MATN2: variants seen among roughly 807,000 people sequenced by gnomAD.
MATN2 encodes the protein matrilin 2, also known as matrilin-2.
Under a neutral mutation model 103.2 loss-of-function variants are expected in MATN2, and 69 were observed. The observed-to-expected ratio is 0.67, with a 90% CI of 0.55 to 0.82. MATN2 has a LOEUF of 0.82. Ranked by LOEUF, MATN2 falls within the 40% of genes least tolerant of loss-of-function variation. MATN2 has a pLI of 0.00. For missense variants in MATN2, 1,023 were observed against 1,211.5 expected (o/e 0.84, Z 2.31); for synonymous variants, 429 against 450.2 (o/e 0.95, Z 0.60).
intron 18 of MATN2, among the ~76,000 whole-genome samples, chr8:98,034,512 A>G (rs1814163390): frequency 6.6e-6 from 1 of 152,176 alleles, no homozygotes; most frequent in Non-Finnish European, 1.5e-5. Context: ...TCCCTTAAGT[A>G]AAATGAAATA....
chr8:98,016,453 G>C, intron 10 of MATN2, 87 bp from the exon 11 acceptor site: 1 of 1,192,390 alleles, frequency 8.4e-7, no homozygotes, highest in Non-Finnish European at 1.2e-6. Context: ...AATTCAAAGT[G>C]TCTGAAATGT....
chr8:97,877,185 T>A (rs548417018), intron 1 of MATN2, among the ~76,000 whole-genome samples: 32 of 151,472 alleles, frequency 2.1e-4, no homozygotes, highest in African/African-American at 6.8e-4. Flanking sequence ...TTAAAAAAAA[T>A]TTTTTGGGGG....
chr8:98,014,749 A>T (rs748226194), intron 10 of MATN2, among the ~76,000 whole-genome samples: 6 of 152,208 alleles, frequency 3.9e-5, no homozygotes, highest in Non-Finnish European at 7.3e-5. Context: ...AGTGAGAATA[A>T]CAACAGCTGC....
intron 2 of MATN2, among the ~76,000 whole-genome samples, chr8:97,914,689 G>A (rs2444903): frequency 0.21 from 32,575 of 151,840 alleles, 4,022 homozygotes; most frequent in Middle Eastern, 0.27. Context: ...GGCACATGCC[G>A]TCCACCCACA....
intron 2 of MATN2, among the ~76,000 whole-genome samples, chr8:97,909,897 C>A (rs959310968): frequency 6.6e-6 from 1 of 152,016 alleles, no homozygotes; most frequent in Admixed American, 6.5e-5. Context: ...CATTCTCCTG[C>A]CTCAGCCTCC....
At chr8:98,003,956 T>G in intron 8 of MATN2, 173 bp downstream of exon 8, 1 of 692,302 alleles carries the variant, frequency 1.4e-6, no homozygotes, top group Non-Finnish European at 2.4e-6. Context: ...CTATTAATGC[T>G]ATCGGCCTAG....
Position 97,888,151 on chromosome 8 carries a change from C to T in MATN2, c.51C>T (p.Val17=). 1 of 1,609,608 alleles carries T rather than the reference C, an allele frequency of 6.2e-7. No homozygotes were observed. Among genetic ancestry groups the T allele is most frequent in the Non-Finnish European group, 8.5e-7 (1 of 1,178,036 alleles). The change falls in exon 2 of 19, where the codon GTC becomes GTT. Residue 17 remains valine (V), a synonymous_variant. Transcript: ENST00000254898. ...GCFLLILGQI[V]LLPAEARERS... The stretch of plus-strand genomic sequence containing the variant: ...TTCTGCTGATCCTCGGACAGATCGT[C>T]CTCCTCCCTGCCGAGGCCAGGGAGC...
intron 1 of MATN2, among the ~76,000 whole-genome samples, chr8:97,884,218 G>A (rs1238543654): frequency 6.7e-6 from 1 of 149,144 alleles, no homozygotes; most frequent in African/African-American, 2.5e-5. Context: ...TTGGCTCATT[G>A]CAGCCTTCAC....
At position 97,941,759 on chromosome 8, in the gene MATN2, C is replaced by T. The variant is rs772548710; in HGVS notation, c.713-18C>T. ...AGGGCATCACTGTTGACTTACCTTC[C>T]TGTGTCTTCCCTTTCAGCGGCCCAT... On this transcript the variant is annotated intron_variant, in intron 3 of 18. Transcript: ENST00000254898. The T allele has an allele frequency of 2.1e-5, 33 of 1,568,338 alleles. 1 individual carries two copies. Among genetic ancestry groups the T allele is most frequent in the Non-Finnish European group, 2.3e-5 (27 of 1,155,976 alleles).
At chr8:97,972,481 A>G (rs957148561) in intron 5 of MATN2, among the ~76,000 whole-genome samples, 3 of 152,210 alleles carry the variant, frequency 2.0e-5, no homozygotes, top group Non-Finnish European at 4.4e-5. Flanking sequence ...ATGCTCAGCA[A>G]GTAAATTGGT....
intron 2 of MATN2, among the ~76,000 whole-genome samples, chr8:97,914,528 ACC>A: frequency 6.7e-6 from 1 of 148,878 alleles, no homozygotes; most frequent in East Asian, 2.0e-4. Flanking sequence ...GCACCATTAC[ACC>A]CGGCTACTTT....
chr8:97,976,527 T>C (rs1370181919), intron 5 of MATN2, among the ~76,000 whole-genome samples: 1 of 152,254 alleles, frequency 6.6e-6, no homozygotes, highest in Admixed American at 6.5e-5. Context: ...TATGTCATTA[T>C]CTTCTCCATG....
chr8:98,028,262 C>T (rs1459999237), intron 14 of MATN2, among the ~76,000 whole-genome samples: 1 of 152,158 alleles, frequency 6.6e-6, no homozygotes, highest in East Asian at 1.9e-4. Context: ...ATACTTCAAG[C>T]GAGCATTCTG....
intron 1 of MATN2, among the ~76,000 whole-genome samples, chr8:97,870,081 G>A (rs1007303370): frequency 5.9e-5 from 9 of 152,218 alleles, no homozygotes; most frequent in African/African-American, 2.2e-4. Flanking sequence ...CCGTGGTCGA[G>A]AGCAGAGACT....
At chr8:97,911,535 C>T (rs1277694671) in intron 2 of MATN2, among the ~76,000 whole-genome samples, 2 of 151,660 alleles carry the variant, frequency 1.3e-5, no homozygotes, top group Admixed American at 6.6e-5. Flanking sequence ...GGTGACGCCC[C>T]GTCTCTACTA....
At chr8:98,024,617 G>C (rs910520443) in intron 13 of MATN2, among the ~76,000 whole-genome samples, 4 of 152,256 alleles carry the variant, frequency 2.6e-5, no homozygotes, top group African/African-American at 9.6e-5. Flanking sequence ...TCCTCATCAG[G>C]AGAGGCATTG....
chr8:97,961,506 G>A lies in MATN2; in HGVS notation c.934G>A (p.Ala312Thr), dbSNP rs574994147. The change falls in exon 5 of 19, where the codon GCT becomes ACT. Residue 312 changes from alanine (A) to threonine (T), a missense_variant. Coordinates refer to ENST00000254898, the MANE Select transcript of MATN2 (RefSeq NM_002380.5). ...VCQCYSGYAL[A>T]EDGKRCVAVD... is the part of the protein sequence containing the mutation. ...CCAGTGCTACAGTGGCTACGCCCTG[G>A]CTGAGGATGGGAAGAGGTGTGTGGG... is the stretch of plus-strand genomic sequence containing the variant. 1.9e-6 allele frequency: 3 copies of A among 1,613,298 alleles called. No individual in the cohort carries two copies. The highest frequency in any genetic ancestry group is 4.5e-5 in the East Asian group (2 of 44,828).
intron 2 of MATN2, among the ~76,000 whole-genome samples, chr8:97,889,584 C>T (rs1364171078): frequency 2.6e-5 from 4 of 151,266 alleles, no homozygotes; most frequent in Non-Finnish European, 4.4e-5. Flanking sequence ...GCTGGGTTTA[C>T]AGGGGCACAA....
intron 13 of MATN2, among the ~76,000 whole-genome samples, chr8:98,021,655 A>G (rs931003781): frequency 6.6e-6 from 1 of 151,434 alleles, no homozygotes; most frequent in Non-Finnish European, 1.5e-5. Flanking sequence ...TTAGGAAAAA[A>G]GAGATGGATC....
Sources: gnomAD v4.1 joint callset for allele counts (sites outside exome capture counted in the v4.1 genomes callset) on GRCh38, gnomAD v4.1.1 for gene constraint, MANE v1.5 for transcripts, NCBI Gene and HGNC (gene_info 2026-07-23, HGNC 2026-07-21) for gene names.